The following RYR3 variants were observed in gnomAD, a reference collection of about 807,000 sequenced individuals.
RYR3 encodes ryanodine receptor 3, also known as brain ryanodine receptor-calcium release channel.
In RYR3, 207 loss-of-function variants were observed where a neutral mutation model predicts 584.3. The observed-to-expected ratio is 0.35, with a 90% confidence interval of 0.32 to 0.40. The LOEUF is 0.40. Among genes scored for constraint, RYR3 ranks in the 10% least tolerant of loss-of-function variants. The pLI is 1.00. For missense variants in RYR3, 5,616 were observed against 6,089.2 expected (o/e 0.92, Z 2.59); for synonymous variants, 2,416 against 2,248.5 (o/e 1.07, Z -2.11).
chr15:33,370,275 C>T (rs2040235650), intron 1 of RYR3, among the ~76,000 whole-genome samples: 1 of 152,202 alleles, frequency 6.6e-6, no homozygotes, highest in East Asian at 1.9e-4. Flanking sequence ...CTTTCCTCTA[C>T]ACACTCTGAC....
intron 3 of RYR3, among the ~76,000 whole-genome samples, chr15:33,524,210 C>T (rs2054228958): frequency 6.6e-6 from 1 of 152,146 alleles, no homozygotes; most frequent in African/African-American, 2.4e-5. Context: ...TTCAGTGGTT[C>T]GGCAGCCAGC....
chr15:33,825,662 C>A lies in RYR3; in HGVS notation c.11132C>A (p.Thr3711Asn), dbSNP rs142460955. ...QNKAEGLGMV[T>N]EEGTLIVRER... ...AAAGCTGAAGGCCTGGGGATGGTGACTGAAGAAGGAACACGTAAGTAACTA... is the reference window on the plus strand; with the variant it reads ...AAAGCTGAAGGCCTGGGGATGGTGAATGAAGAAGGAACACGTAAGTAACTA... The change falls in exon 82 of 104, where the codon ACT (threonine) becomes AAT (asparagine). Residue 3711 changes from threonine (T) to asparagine (N), a missense_variant. Thr to Asn is a moderately conservative substitution (Grantham distance 65). Around this residue, in one of 9 missense-constraint regions of RYR3, gnomAD observed 954 missense variants for 1,132.2 expected, o/e 0.84. Transcript: ENST00000634891. The A allele has an allele frequency of 1.0e-5, 16 of 1,600,850 alleles. 1 individual carries two copies. The highest frequency in any genetic ancestry group is 1.7e-4 in the Middle Eastern group (1 of 6,012).
chr15:33,724,901 C>A lies in RYR3; in HGVS notation c.6912+725C>A, dbSNP rs148311695. ...TAGGCCTGTTTTTCCATTTCTGTGCCTTTAAGTAAATGCAGGAAACCTGGA... is the reference window on the plus strand; with the variant it reads ...TAGGCCTGTTTTTCCATTTCTGTGCATTTAAGTAAATGCAGGAAACCTGGA... On this transcript the variant is annotated intron_variant, in intron 45 of 103. Transcript: ENST00000634891. 5.7e-3 allele frequency among the ~76,000 whole-genome samples: 863 copies of A among 152,072 alleles called. 3 individuals carry two copies. The highest frequency in any genetic ancestry group is 0.01 in the Admixed American group (155 of 15,290).
intron 3 of RYR3, among the ~76,000 whole-genome samples, 159 bp downstream of exon 3, chr15:33,503,897 T>C (rs1033781649): frequency 1.3e-5 from 2 of 152,226 alleles, no homozygotes; most frequent in Non-Finnish European, 2.9e-5. Context: ...GTTGGTGTTA[T>C]TCAGCAACCC....
At chr15:33,722,687 A>C (rs2068032925) in intron 43 of RYR3, 28 bp from the exon 44 acceptor site, 5 of 1,599,336 alleles carry the variant, frequency 3.1e-6, no homozygotes, top group Non-Finnish European at 4.3e-6. Context: ...CTTTTCATTG[A>C]GAAGGAAACA....
intron 1 of RYR3, among the ~76,000 whole-genome samples, chr15:33,450,082 A>G (rs931514315): frequency 1.5e-5 from 2 of 129,134 alleles, no homozygotes; most frequent in Admixed American, 1.6e-4. Context: ...TAGAGCATTA[A>G]TACCTAAAAA....
chr15:33,569,551 C>A (rs1046106145), intron 12 of RYR3, among the ~76,000 whole-genome samples: 4 of 152,088 alleles, frequency 2.6e-5, no homozygotes, highest in African/African-American at 9.7e-5. Flanking sequence ...CAAGGTTTGT[C>A]CATGTTGTAA....
At chr15:33,360,065 A>T (rs1974546090) in intron 1 of RYR3, among the ~76,000 whole-genome samples, 1 of 152,100 alleles carries the variant, frequency 6.6e-6, no homozygotes. Context: ...TAAGTTTCAC[A>T]AGTTCCGGGA....
chr15:33,379,323 A>G (rs10438371), intron 1 of RYR3, among the ~76,000 whole-genome samples: 1 of 152,150 alleles, frequency 6.6e-6, no homozygotes, highest in African/African-American at 2.4e-5. Context: ...TCATGTGGCT[A>G]TTTCTCATTA....
intron 1 of RYR3, among the ~76,000 whole-genome samples, chr15:33,340,711 T>A (rs1971712558): frequency 6.6e-6 from 1 of 152,190 alleles, no homozygotes; most frequent in Non-Finnish European, 1.5e-5. Flanking sequence ...CCCTTATGAC[T>A]ATGACCTTAT....
intron 3 of RYR3, among the ~76,000 whole-genome samples, chr15:33,529,292 G>A (rs909719889): frequency 4.6e-5 from 7 of 152,124 alleles, no homozygotes; most frequent in African/African-American, 9.7e-5. Context: ...ATGATACCAC[G>A]TTTATCTTTT....
In RYR3 at chr15:33,736,278, G is replaced by A. The variant is rs778308519; in HGVS notation, c.7468G>A (p.Val2490Ile). 1.4e-5 allele frequency: 22 copies of A among 1,613,116 alleles called. No individual in the cohort carries two copies. The highest frequency in any genetic ancestry group is 1.7e-5 in the Admixed American group (1 of 59,950). The change falls in exon 49 of 104, where the codon GTT (valine) becomes ATT (isoleucine). Residue 2490 changes from valine to isoleucine, a missense_variant. Physicochemically the swap from Val to Ile is conservative, Grantham distance 29. This residue lies in a region of RYR3 where 1,280 missense variants were observed against 1,426.2 expected (regional missense o/e 0.90). Coordinates refer to ENST00000634891, the MANE Select transcript of RYR3 (RefSeq NM_001036.6). ...SMLQQLLRRL[V>I]FDVPQLNEYC... ...GTTACAGCAACTCCTGCGACGCCTC[G>A]TTTTTGATGTGCCGCAACTCAATGA... is the stretch of plus-strand genomic sequence containing the variant.
chr15:33,606,108 G>A (rs968355740), intron 18 of RYR3, among the ~76,000 whole-genome samples: 16 of 152,164 alleles, frequency 1.1e-4, no homozygotes, highest in East Asian at 7.7e-4. Context: ...AACAAACAGC[G>A]TAGCTTTGGA....
intron 3 of RYR3, among the ~76,000 whole-genome samples, chr15:33,528,403 A>G (rs1175882731): frequency 6.6e-6 from 1 of 152,086 alleles, no homozygotes; most frequent in Non-Finnish European, 1.5e-5. Context: ...CTCTCTTACT[A>G]TGGAGGTGTG....
chr15:33,742,562 A>G (rs1267721763), intron 52 of RYR3, 118 bp downstream of exon 52: 2 of 705,142 alleles, frequency 2.8e-6, no homozygotes, highest in South Asian at 1.7e-5. Context: ...CCATGCCGAG[A>G]GCATTCATTA....
chr15:33,382,319 CTT>C (rs34767570), intron 1 of RYR3, among the ~76,000 whole-genome samples: 29 of 104,788 alleles, frequency 2.8e-4, no homozygotes, highest in Admixed American at 5.7e-4. Flanking sequence ...TTAAAAGTGG[CTT>C]TTTTTTTTTT....
At chr15:33,739,487 C>T (rs2152833763) in intron 50 of RYR3, among the ~76,000 whole-genome samples, 1 of 149,838 alleles carries the variant, frequency 6.7e-6, no homozygotes. Context: ...GTTTCTGTGA[C>T]CATCCTTAGC....
intron 70 of RYR3, 102 bp from the exon 71 acceptor site, chr15:33,810,377 A>C: frequency 1.7e-6 from 2 of 1,181,404 alleles, no homozygotes; most frequent in Non-Finnish European, 2.4e-6. Flanking sequence ...GGCCCACCCT[A>C]TACTGACAGG....
chr15:33,619,259 T>C (rs1203358335), intron 19 of RYR3, among the ~76,000 whole-genome samples: 1 of 152,238 alleles, frequency 6.6e-6, no homozygotes, highest in African/African-American at 2.4e-5. Flanking sequence ...TTTAAATCCA[T>C]TAATGTAGAG....
Sources: allele counts gnomAD v4.1 joint callset (sites outside exome capture counted in the v4.1 genomes callset), GRCh38; gene constraint gnomAD v4.1.1; regional missense constraint gnomAD v4.1.1; transcripts MANE v1.5; gene names NCBI Gene and HGNC (gene_info 2026-07-23, HGNC 2026-07-21).